Variants in KIAA1549L observed in about 807,000 individuals in gnomAD.
The protein encoded by KIAA1549L is UPF0606 protein KIAA1549L.
KIAA1549L carries 88 observed loss-of-function variants against 160.7 expected under a neutral mutation model. The ratio of observed to expected loss-of-function variants is 0.55; its 90% confidence interval spans 0.46 to 0.65. The LOEUF is 0.65. KIAA1549L is among the 30% of genes least tolerant of loss of function. KIAA1549L has a pLI of 0.00. For missense variants in KIAA1549L, 2,258 were observed against 2,437.5 expected, an observed-to-expected ratio of 0.93 and a Z score of 1.55; for synonymous variants, 950 against 976.7, an observed-to-expected ratio of 0.97 and a Z score of 0.51.
rs563909802 is a variant in KIAA1549L at position 33,618,583 on chromosome 11, C to T, written c.5330C>T (p.Pro1777Leu). Residue 1777 changes from proline (P) to leucine (L), a missense_variant, in exon 16 of 21, where the codon CCG becomes CTG. Pro to Leu is a moderately conservative substitution (Grantham distance 98). Transcript: ENST00000658780. ...AGAAGCCGGCAGTCTCTGAACAGCCCGAGTCCAGGGGAAACCGAGATGGAC... is the reference window on the plus strand; with the variant it reads ...AGAAGCCGGCAGTCTCTGAACAGCCTGAGTCCAGGGGAAACCGAGATGGAC... ...VYRSRQSLNS[P>L]SPGETEMDLL... The T allele has an allele frequency of 2.0e-5, 33 of 1,611,142 alleles. No individual in the cohort carries two copies. The East Asian group carries it at 2.9e-4, about 14-fold the overall frequency.
Position 33,555,700 on chromosome 11 carries a change from G to A in KIAA1549L, c.3855+3459G>A, listed in dbSNP as rs146898424. Among the ~76,000 whole-genome samples, 351 of 152,238 alleles carry A rather than the reference G, an allele frequency of 2.3e-3. 1 individual carries two copies. The highest frequency in any genetic ancestry group is 7.7e-3 in the African/African-American group (320 of 41,544). ...AGATCTAAATGTAATATCTAAAACC[G>A]TAGGACTTTTATGGGAAAACATAGG... On this transcript the variant is annotated intron_variant, in intron 6 of 20. Coordinates refer to ENST00000658780, the MANE Select transcript of KIAA1549L (RefSeq NM_012194.3).
intron 1 of KIAA1549L, among the ~76,000 whole-genome samples, chr11:33,490,355 G>A (rs901496455): frequency 7.4e-6 from 1 of 135,122 alleles, no homozygotes; most frequent in East Asian, 2.1e-4. Flanking sequence ...ACAGTATCTT[G>A]CTCTGTCACC....
intron 1 of KIAA1549L, among the ~76,000 whole-genome samples, chr11:33,484,638 C>T (rs1359607312): frequency 1.3e-5 from 2 of 151,876 alleles, no homozygotes; most frequent in Non-Finnish European, 2.9e-5. Context: ...CCATGCTGGA[C>T]GGAGGTGAGC....
chr11:33,520,323 T>C (rs931682106), intron 1 of KIAA1549L, among the ~76,000 whole-genome samples: 11 of 152,192 alleles, frequency 7.2e-5, no homozygotes, highest in Admixed American at 5.2e-4. Context: ...ACCACTATTC[T>C]ACTCTCTGTT....
intron 1 of KIAA1549L, among the ~76,000 whole-genome samples, chr11:33,457,550 C>T (rs1851854607): frequency 6.6e-6 from 1 of 152,168 alleles, no homozygotes; most frequent in Non-Finnish European, 1.5e-5. Context: ...GTATTTCAGT[C>T]AATGTGGCCA....
At chr11:33,624,558 G>A (rs202038413) in intron 16 of KIAA1549L, among the ~76,000 whole-genome samples, 1 of 151,974 alleles carries the variant, frequency 6.6e-6, no homozygotes, top group Non-Finnish European at 1.5e-5. Context: ...TCAGTAATAC[G>A]AGTCCTGAAA....
intron 17 of KIAA1549L, among the ~76,000 whole-genome samples, chr11:33,646,570 C>T (rs1413740333): frequency 2.0e-5 from 3 of 152,086 alleles, no homozygotes; most frequent in Non-Finnish European, 4.4e-5. Flanking sequence ...CAAGGAAGGC[C>T]AGGGAGAGTT....
Position 33,618,659 on chromosome 11 carries a change from C to A in KIAA1549L, c.5406C>A (p.Tyr1802Ter). ...RPRRGIRNSG[Y>*]DTEPEIIEET... is the part of the protein sequence containing the mutation. ...GGCGTGGAATCCGCAACAGCGGATA[C>A]GATGTGAGTCTCTGGTGGGCTGGGT... The change falls in exon 16 of 21, where the codon TAC (tyrosine) becomes TAA (stop). Residue 1802 changes from tyrosine to a stop codon, truncating the protein, a stop_gained. Transcript: ENST00000658780. LOFTEE classifies it high-confidence loss of function. The A allele has an allele frequency of 1.3e-6, 2 of 1,581,762 alleles. No individual in the cohort carries two copies. The highest frequency in any genetic ancestry group is 1.7e-6 in the Non-Finnish European group (2 of 1,161,786).
At chr11:33,439,753 A>G (rs892208885) in intron 1 of KIAA1549L, among the ~76,000 whole-genome samples, 1 of 151,902 alleles carries the variant, frequency 6.6e-6, no homozygotes, top group African/African-American at 2.4e-5. Context: ...TCTCTCTTCT[A>G]GCTACTTATC....
chr11:33,487,255 A>G (rs1852547757), intron 1 of KIAA1549L, among the ~76,000 whole-genome samples: 1 of 152,142 alleles, frequency 6.6e-6, no homozygotes, highest in Admixed American at 6.5e-5. Flanking sequence ...ATCATCTGCA[A>G]GACTCTTGCG....
At chr11:33,412,094 T>C (rs1402695488) in intron 1 of KIAA1549L, among the ~76,000 whole-genome samples, 5 of 152,206 alleles carry the variant, frequency 3.3e-5, no homozygotes, top group African/African-American at 9.6e-5. Context: ...GTTATTTTAG[T>C]GTTTAAAGGT....
intron 11 of KIAA1549L, among the ~76,000 whole-genome samples, chr11:33,588,761 GT>G (rs1418635542): frequency 1.3e-5 from 2 of 152,222 alleles, no homozygotes; most frequent in Non-Finnish European, 2.9e-5. Context: ...CAGAAACGCA[GT>G]TCCAGGTCCT....
At chr11:33,431,388 G>A (rs1015256531) in intron 1 of KIAA1549L, among the ~76,000 whole-genome samples, 22 of 151,840 alleles carry the variant, frequency 1.4e-4, no homozygotes, top group African/African-American at 3.9e-4. Context: ...TTGACAGGGC[G>A]CTGATTGGTG....
intron 2 of KIAA1549L, 44 bp from the exon 3 acceptor site, chr11:33,544,723 G>A (rs1430955648): frequency 2.6e-6 from 4 of 1,544,756 alleles, no homozygotes; most frequent in South Asian, 1.3e-5. Context: ...AGTGACACGT[G>A]CATTCCAAGC....
Position 33,645,735 on chromosome 11 carries a change from C to T in KIAA1549L, c.5459C>T (p.Pro1820Leu). 6.2e-7 allele frequency: 1 copy of T among 1,613,990 alleles called. No homozygotes were observed. The highest frequency in any genetic ancestry group is 8.5e-7 in the Non-Finnish European group (1 of 1,179,890). ...EETNIDRVPE[P>L]RGYSRSRQVK... ...ACCAACATTGACAGAGTTCCTGAGC[C>T]CCGGGGCTATTCCAGGTCTCGACAG... The change falls in exon 17 of 21, where the codon CCC (proline) becomes CTC (leucine). Residue 1820 changes from proline to leucine, a missense_variant. Around this residue, in one of 6 missense-constraint regions of KIAA1549L, gnomAD observed 1,359 missense variants for 1,546.6 expected, o/e 0.88. Coordinates refer to ENST00000658780, the MANE Select transcript of KIAA1549L (RefSeq NM_012194.3).
rs140084645 is a variant in KIAA1549L at position 33,385,627 on chromosome 11, C to G, written c.238+8738C>G. Among the ~76,000 whole-genome samples, 3 of 152,158 alleles carry G rather than the reference C, an allele frequency of 2.0e-5. No homozygotes were observed. The East Asian group carries it at 5.8e-4, about 29-fold the overall frequency. On this transcript the variant is annotated intron_variant, in intron 1 of 20. Transcript: ENST00000658780. ...AAAAATCTTTTTGGCTATTCTAGGT[C>G]TTATGCTTTCTATACAGATTTTAGT... is the stretch of plus-strand genomic sequence containing the variant.
chr11:33,378,550 T>G (rs1850002468), intron 1 of KIAA1549L, among the ~76,000 whole-genome samples: 1 of 152,160 alleles, frequency 6.6e-6, no homozygotes, highest in African/African-American at 2.4e-5. Context: ...AAAGATGCTT[T>G]GATTACAATG....
chr11:33,552,738 G>C (rs1181431315), intron 6 of KIAA1549L, among the ~76,000 whole-genome samples: 2 of 151,268 alleles, frequency 1.3e-5, no homozygotes, highest in Non-Finnish European at 2.9e-5. Flanking sequence ...CTATGTGCCA[G>C]GAACTGTGCT....
intron 1 of KIAA1549L, among the ~76,000 whole-genome samples, chr11:33,386,654 G>A (rs1430775556): frequency 6.6e-6 from 1 of 152,182 alleles, no homozygotes; most frequent in Admixed American, 6.5e-5. Context: ...CTGCACTCCA[G>A]CCTGGGTGAC....
Sources: gnomAD v4.1 joint callset for allele counts (sites outside exome capture counted in the v4.1 genomes callset) on GRCh38, gnomAD v4.1.1 for gene constraint, gnomAD v4.1.1 regional missense constraint, MANE v1.5 for transcripts, NCBI Gene and HGNC (gene_info 2026-07-23, HGNC 2026-07-21) for gene names.